Variants in ANO3 observed in about 807,000 individuals in gnomAD.
ANO3 encodes the protein anoctamin-3.
A neutral mutation model predicts 144.8 loss-of-function variants in ANO3; 99 were observed. That is an observed-to-expected ratio of 0.68 (90% CI 0.58 to 0.81). The LOEUF is 0.81. Ranked by LOEUF, ANO3 falls within the 30% of genes least tolerant of loss-of-function variation. ANO3 has a pLI of 0.00. For missense variants in ANO3, 905 were observed against 1,202.2 expected, an observed-to-expected ratio of 0.75 and a Z score of 3.66; for synonymous variants, 414 against 392.6, an observed-to-expected ratio of 1.05 and a Z score of -0.64.
At chr11:26,565,182 G>A (rs139953401) in intron 14 of ANO3, 490 of 1,504,304 alleles carry the variant, frequency 3.3e-4, no homozygotes, top group African/African-American at 2.4e-3. Flanking sequence ...GGGATCTGAC[G>A]TATTTGGAAA....
intron 18 of ANO3, among the ~76,000 whole-genome samples, chr11:26,629,486 A>G (rs979104889): frequency 3.3e-5 from 5 of 152,146 alleles, no homozygotes; most frequent in African/African-American, 4.8e-5. Flanking sequence ...TGATTCTTTC[A>G]ATCCTTAGGT....
At chr11:26,616,678 C>T (rs527794060) in intron 17 of ANO3, among the ~76,000 whole-genome samples, 13 of 152,182 alleles carry the variant, frequency 8.5e-5, no homozygotes, top group Non-Finnish European at 1.3e-4. Flanking sequence ...CTCAAATAAG[C>T]TGAAAACTTG....
chr11:26,660,041 G>A (rs1853830289), intron 26 of ANO3, among the ~76,000 whole-genome samples: 1 of 152,134 alleles, frequency 6.6e-6, no homozygotes, highest in African/African-American at 2.4e-5. Context: ...ACATGTTGCA[G>A]CAATAAGAGG....
intron 4 of ANO3, among the ~76,000 whole-genome samples, chr11:26,479,174 A>T (rs1860103123): frequency 6.6e-6 from 1 of 152,190 alleles, no homozygotes; most frequent in Admixed American, 6.5e-5. Flanking sequence ...GACTTTTCAG[A>T]GGTAGAGAGC....
chr11:26,404,543 G>C (rs542197610), intron 1 of ANO3, among the ~76,000 whole-genome samples: 2 of 151,716 alleles, frequency 1.3e-5, no homozygotes, highest in African/African-American at 4.8e-5. Flanking sequence ...TGCATGCAAC[G>C]TTCCCGAAAT....
At chr11:26,500,082 G>C (rs1039195110) in intron 4 of ANO3, among the ~76,000 whole-genome samples, 2 of 150,476 alleles carry the variant, frequency 1.3e-5, no homozygotes, top group Admixed American at 6.6e-5. Context: ...GTGTGAGTGG[G>C]TTCTTTCATT....
At chr11:26,465,321 T>G (rs1357402354) in intron 4 of ANO3, among the ~76,000 whole-genome samples, 1 of 151,828 alleles carries the variant, frequency 6.6e-6, no homozygotes, top group Non-Finnish European at 1.5e-5. Context: ...GATAGATAGT[T>G]AAATTATATG....
At chr11:26,550,005 A>G (rs1849888880) in intron 12 of ANO3, among the ~76,000 whole-genome samples, 1 of 151,838 alleles carries the variant, frequency 6.6e-6, no homozygotes, top group Admixed American at 6.6e-5. Context: ...GTACATTGTA[A>G]AAATTTTTAA....
At chr11:26,587,132 C>T (rs1350414578) in intron 14 of ANO3, among the ~76,000 whole-genome samples, 1 of 152,044 alleles carries the variant, frequency 6.6e-6, no homozygotes, top group Admixed American at 6.5e-5. Context: ...ACAATTTTTG[C>T]CCTCCATCTC....
chr11:26,494,662 A>G (rs1860853349), intron 4 of ANO3, among the ~76,000 whole-genome samples: 1 of 152,186 alleles, frequency 6.6e-6, no homozygotes, highest in Non-Finnish European at 1.5e-5. Flanking sequence ...CATGTAAGAA[A>G]TTCAACTTCT....
chr11:26,455,189 C>T (rs1319400984), intron 3 of ANO3, among the ~76,000 whole-genome samples: 2 of 148,286 alleles, frequency 1.3e-5, no homozygotes, highest in African/African-American at 4.9e-5. Flanking sequence ...TCTCTCACCA[C>T]TCCTATTCAA....
chr11:26,416,647 G>C (rs781031933), intron 1 of ANO3, among the ~76,000 whole-genome samples: 1 of 151,888 alleles, frequency 6.6e-6, no homozygotes, highest in South Asian at 2.1e-4. Flanking sequence ...GGATGGTCTC[G>C]ATCTCCTGAC....
rs957223185 is a variant in ANO3 at position 26,531,241 on chromosome 11, G to A, written c.774G>A (p.Met258Ile). 1 of 1,613,838 alleles carries A rather than the reference G, an allele frequency of 6.2e-7. No homozygotes were observed. Among genetic ancestry groups the A allele is most frequent in the African/African-American group, 1.3e-5 (1 of 74,894 alleles). Residue 258 changes from methionine (M) to isoleucine (I), a missense_variant, in exon 8 of 27, where the codon ATG (methionine) becomes ATA (isoleucine). Physicochemically the swap from Met to Ile is conservative, Grantham distance 10. Coordinates refer to ENST00000256737, the MANE Select transcript of ANO3 (RefSeq NM_031418.4). Reference sequence around the variant, plus strand: ...ATTTTAGAAGAATCAAAAACTGGATGGCCCAAAACCCAATGGTTCTTGACA... The same window carrying A: ...ATTTTAGAAGAATCAAAAACTGGATAGCCCAAAACCCAATGGTTCTTGACA... Reference protein sequence around the residue: ...QTYFRRIKNWMAQNPMVLDKS... With the variant: ...QTYFRRIKNWIAQNPMVLDKS...
rs7945396 is a variant in ANO3 at position 26,586,664 on chromosome 11, G to A, written c.1448-11701G>A. Among the ~76,000 whole-genome samples, 32 of 149,856 alleles carry A rather than the reference G, an allele frequency of 2.1e-4. No individual in the cohort carries two copies. The East Asian group carries it at 5.6e-3, about 26-fold the overall frequency. On this transcript the variant is annotated intron_variant, in intron 14 of 26. Coordinates refer to ENST00000256737, the MANE Select transcript of ANO3 (RefSeq NM_031418.4). ...ACTACAGGCGCCCGCCACCACACCC[G>A]GCTAACTTTTTTGTATTTTTAGTAG...
intron 1 of ANO3, among the ~76,000 whole-genome samples, chr11:26,249,244 CAG>C (rs1852870571): frequency 6.6e-6 from 1 of 152,144 alleles, no homozygotes; most frequent in Admixed American, 6.5e-5. Flanking sequence ...CCTTCAGTAA[CAG>C]TGTATACCAG....
At chr11:26,446,335 G>T (rs1858701786) in intron 3 of ANO3, among the ~76,000 whole-genome samples, 1 of 152,130 alleles carries the variant, frequency 6.6e-6, no homozygotes, top group Non-Finnish European at 1.5e-5. Context: ...AGAGTACCAG[G>T]TTCCTGCATT....
chr11:26,300,925 C>CGCCTCTTCATAATGTATT (rs1564955763), intron 1 of ANO3, among the ~76,000 whole-genome samples: 1 of 146,570 alleles, frequency 6.8e-6, no homozygotes, highest in African/African-American at 2.6e-5. Context: ...GCAATTTCCA[C>CGCCTCTTCATAATGTATT]TCACTGCCAC....
chr11:26,335,016 G>A (rs183575428), intron 1 of ANO3, among the ~76,000 whole-genome samples: 2 of 152,248 alleles, frequency 1.3e-5, no homozygotes, highest in African/African-American at 4.8e-5. Flanking sequence ...ATCAAAATTG[G>A]TTTTGATAGG....
At chr11:26,322,338 T>C (rs1280659601) in intron 1 of ANO3, among the ~76,000 whole-genome samples, 1 of 152,132 alleles carries the variant, frequency 6.6e-6, no homozygotes, top group African/African-American at 2.4e-5. Context: ...TATTTGTATG[T>C]TTGTTACAGC....
Sources: allele counts gnomAD v4.1 joint callset (sites outside exome capture counted in the v4.1 genomes callset), GRCh38; gene constraint gnomAD v4.1.1; transcripts MANE v1.5; gene names NCBI Gene and HGNC (gene_info 2026-07-23, HGNC 2026-07-21).